Variants in ARHGAP39 observed in about 807,000 individuals in gnomAD.
ARHGAP39 encodes the protein Rho GTPase activating protein 39.
ARHGAP39 carries 44 observed loss-of-function variants against 106.9 expected under a neutral mutation model. The observed-to-expected ratio is 0.41, with a 90% CI of 0.32 to 0.53. The LOEUF is 0.53. Among genes scored for constraint, ARHGAP39 ranks in the 20% least tolerant of loss-of-function variants. The pLI, the probability that ARHGAP39 is intolerant of heterozygous loss-of-function variation, is 0.21. For synonymous variants in ARHGAP39, 768 were observed against 693.2 expected (o/e 1.11, Z -1.69); for missense variants, 1,496 against 1,577.3 (o/e 0.95, Z 0.87).
chr8:144,651,211 T>G (rs1269299961), intron 1 of ARHGAP39, among the ~76,000 whole-genome samples: 2 of 151,784 alleles, frequency 1.3e-5, no homozygotes, highest in East Asian at 3.9e-4. Flanking sequence ...AGGTAAAAGA[T>G]CTCTAAAATG....
intron 2 of ARHGAP39, among the ~76,000 whole-genome samples, chr8:144,583,618 G>A (rs1224348722): frequency 1.3e-5 from 2 of 152,242 alleles, no homozygotes; most frequent in East Asian, 3.8e-4. Flanking sequence ...CTGCCTGCGT[G>A]CTCCACTGAG....
intron 6 of ARHGAP39, among the ~76,000 whole-genome samples, chr8:144,542,759 T>G (rs1350859224): frequency 6.6e-6 from 1 of 151,722 alleles, no homozygotes; most frequent in Non-Finnish European, 1.5e-5. Context: ...GCCAACGTGG[T>G]GAAACCCCGT....
chr8:144,686,197 T>C (rs1822586647), upstream of ARHGAP39, among the ~76,000 whole-genome samples: 1 of 152,090 alleles, frequency 6.6e-6, no homozygotes, highest in East Asian at 1.9e-4. Flanking sequence ...AGTCTGAGAT[T>C]TCACTTTTCT....
the ARHGAP39 span, among the ~76,000 whole-genome samples, chr8:144,691,972 G>A: frequency 6.6e-6 from 1 of 151,786 alleles, no homozygotes; most frequent in Non-Finnish European, 1.5e-5. Flanking sequence ...CTTTGTCTTG[G>A]AAATGGACCA....
chr8:144,561,241 C>T (rs1296367932), intron 3 of ARHGAP39, among the ~76,000 whole-genome samples: 1 of 151,704 alleles, frequency 6.6e-6, no homozygotes, highest in African/African-American at 2.4e-5. Flanking sequence ...GTTTCCATCA[C>T]ACTCCAGTGG....
intron 6 of ARHGAP39, 49 bp downstream of exon 6, chr8:144,545,200 C>T (rs1419400933): frequency 2.8e-6 from 4 of 1,425,924 alleles, no homozygotes; most frequent in Admixed American, 4.7e-5. Context: ...CAGGAGCCCT[C>T]TCCACTGCCC....
At chr8:144,589,766 ACT>A (rs999415055) in intron 2 of ARHGAP39, among the ~76,000 whole-genome samples, 11 of 151,914 alleles carry the variant, frequency 7.2e-5, no homozygotes, top group Admixed American at 6.6e-4. Context: ...GCCTCCCACG[ACT>A]CTGCCTCTGG....
At position 144,629,622 on chromosome 8, in the gene ARHGAP39, T is replaced by C. The variant is rs576515520; in HGVS notation, c.-81-23927A>G. On this transcript the variant is annotated intron_variant, in intron 1 of 11. Transcript: ENST00000377307. ...AGATTCAACCCTGTGAAATTGTATT[T>C]TTCTTGATCAACAAAAGTAGCAGCT... Among the ~76,000 whole-genome samples, 20 of 152,324 alleles carry C rather than the reference T, an allele frequency of 1.3e-4. No individual in the cohort carries two copies. The East Asian group carries it at 3.5e-3, about 26-fold the overall frequency.
chr8:144,547,859 C>T lies in ARHGAP39; in HGVS notation c.1227G>A (p.Lys409=). Reference sequence around the variant, plus strand: ...ACTTGTGCCGCGGGCCGGCGCGCAGCTTGGGGCTGGAGCCCGCCTGCTCCA... The same window carrying T: ...ACTTGTGCCGCGGGCCGGCGCGCAGTTTGGGGCTGGAGCCCGCCTGCTCCA... ...VYVEQAGSSP[K]LRAGPRHKYA... Residue 409 remains lysine, a synonymous_variant, in exon 5 of 12, where the codon AAG becomes AAA. Coordinates refer to ENST00000377307, the MANE Select transcript of ARHGAP39 (RefSeq NM_025251.3). This position sits in a 1 kb window ranked among gnomAD's most constrained non-coding sequence, Gnocchi z 5.2. The T allele has an allele frequency of 6.3e-7, 1 of 1,586,894 alleles. No individual in the cohort carries two copies. The highest frequency in any genetic ancestry group is 1.1e-5 in the South Asian group (1 of 88,092).
At chr8:144,610,283 T>C (rs1820442487) in intron 1 of ARHGAP39, among the ~76,000 whole-genome samples, 1 of 152,242 alleles carries the variant, frequency 6.6e-6, no homozygotes, top group South Asian at 2.1e-4. Context: ...TAATCGTTTT[T>C]TTTCTATTTT....
At chr8:144,594,559 T>G (rs1270675319) in intron 2 of ARHGAP39, among the ~76,000 whole-genome samples, 2 of 151,948 alleles carry the variant, frequency 1.3e-5, no homozygotes, top group Non-Finnish European at 2.9e-5. Flanking sequence ...TCAGGTATGA[T>G]GGTGGGCGCC....
In ARHGAP39 at chr8:144,664,336, C is replaced by G. The variant is rs938186837; in HGVS notation, c.-82+21350G>C. Among the ~76,000 whole-genome samples, 2 of 152,206 alleles carry G rather than the reference C, an allele frequency of 1.3e-5. 1 individual carries two copies. The highest frequency in any genetic ancestry group is 4.1e-4 in the South Asian group (2 of 4,828). On this transcript the variant is annotated intron_variant, in intron 1 of 11. Transcript: ENST00000377307. Reference sequence around the variant, plus strand: ...GGCAGCCAGCAGGATCCTTTTAAAACAGACAAGGCAGCAGTTTTCCCCAGC... The same window carrying G: ...GGCAGCCAGCAGGATCCTTTTAAAAGAGACAAGGCAGCAGTTTTCCCCAGC...
intron 1 of ARHGAP39, among the ~76,000 whole-genome samples, chr8:144,659,600 C>G (rs75602144): frequency 0.018 from 2,744 of 152,284 alleles, 35 homozygotes; most frequent in South Asian, 0.04. Context: ...AATTGGAGGA[C>G]ATTTTCTAGA....
At chr8:144,680,438 C>T (rs555349244) in intron 1 of ARHGAP39, among the ~76,000 whole-genome samples, 3 of 152,164 alleles carry the variant, frequency 2.0e-5, no homozygotes, top group African/African-American at 2.4e-5. Flanking sequence ...TACAAAAACA[C>T]GCAGAGGAGT....
chr8:144,545,399 G>A lies in ARHGAP39; in HGVS notation c.2371C>T (p.Gln791Ter). The stretch of plus-strand genomic sequence containing the variant: ...TCCAGGCGGAAGTTCTCGGTGGTCT[G>A]CCGGCACAGCTGGATGTAGAGCTCG... ...RDELYIQLCR[Q>*]TTENFRLESL... is the part of the protein sequence containing the mutation. Residue 791 changes from glutamine to a stop codon, truncating the protein, a stop_gained, in exon 6 of 12, where the codon CAG becomes TAG. Coordinates refer to ENST00000377307, the MANE Select transcript of ARHGAP39 (RefSeq NM_025251.3). LOFTEE classifies it high-confidence loss of function. 1 of 1,447,138 alleles carries A rather than the reference G, an allele frequency of 6.9e-7. No individual in the cohort carries two copies. Among genetic ancestry groups the A allele is most frequent in the Non-Finnish European group, 9.1e-7 (1 of 1,094,114 alleles). 89.6% of individuals were successfully genotyped at this position (1,447,138 alleles called of 1,614,324 possible). A position where few individuals can be genotyped will look rare whatever the true frequency, so the allele number is the denominator to read the frequency against.
chr8:144,529,993 A>C lies in ARHGAP39; in HGVS notation c.*429T>G. The C allele has an allele frequency of 1.2e-5, 2 of 169,186 alleles. No individual in the cohort carries two copies. Among genetic ancestry groups the C allele is most frequent in the Middle Eastern group, 2.5e-3 (1 of 400 alleles). The allele number at this position is 169,186 out of a possible 1,614,324, so 10.5% of individuals were successfully genotyped here. A position where few individuals can be genotyped will look rare whatever the true frequency, so the allele number is the denominator to read the frequency against. ...TCGGGAAGCTCTCTCGGGGCTGGGA[A>C]GAGCTGCAGGCCAGGACGAGGACAG... is the stretch of plus-strand genomic sequence containing the variant. On this transcript the variant is annotated 3_prime_UTR_variant, in exon 12 of 12. Coordinates refer to ENST00000377307, the MANE Select transcript of ARHGAP39 (RefSeq NM_025251.3).
intron 1 of ARHGAP39, among the ~76,000 whole-genome samples, chr8:144,635,817 G>T (rs1339925947): frequency 6.9e-6 from 1 of 145,890 alleles, no homozygotes; most frequent in Non-Finnish European, 1.5e-5. Context: ...TGAGGCTACC[G>T]CCAGGTAGAC....
rs144322342 is a variant in ARHGAP39, at chr8:144,530,756, G to A, written c.3096C>T (p.His1032=). 6.8e-6 allele frequency: 11 copies of A among 1,610,488 alleles called. No homozygotes were observed. The highest frequency in any genetic ancestry group is 5.3e-5 in the African/African-American group (4 of 74,906). ...CCATGCGGTTGATGCGGGGCAGCGC[G>A]TGCACCACGGCCACCGCCGCCTCGG... ...DSPEAAVAVV[H]ALPRINRMVL... Residue 1032 remains histidine, a synonymous_variant, in exon 11 of 12, where the codon CAC becomes CAT. Transcript: ENST00000377307.
intron 1 of ARHGAP39, among the ~76,000 whole-genome samples, chr8:144,606,069 C>CAA (rs1820281178): frequency 1.3e-5 from 2 of 152,220 alleles, no homozygotes; most frequent in Non-Finnish European, 2.9e-5. Flanking sequence ...AGGACCTGCT[C>CAA]CGCCCTCACT....
Sources: gnomAD v4.1 joint callset for allele counts (sites outside exome capture counted in the v4.1 genomes callset) on GRCh38, gnomAD v4.1.1 for gene constraint, Gnocchi (gnomAD v3.1) non-coding constraint, MANE v1.5 for transcripts, NCBI Gene and HGNC (gene_info 2026-07-23, HGNC 2026-07-21) for gene names.